Variants in CREB5 observed in about 807,000 individuals in gnomAD.
CREB5 encodes cyclic AMP-responsive element-binding protein 5.
In CREB5, 19 loss-of-function variants were observed where a neutral mutation model predicts 57.1. The observed-to-expected ratio is 0.33, with a 90% confidence interval of 0.23 to 0.49. The LOEUF (loss-of-function observed/expected upper bound fraction) is 0.49. CREB5 is among the 20% of genes least tolerant of loss of function. CREB5 has a pLI of 0.99. For synonymous variants in CREB5, 238 were observed against 238.3 expected, an observed-to-expected ratio of 1.00 and a Z score of 0.01; for missense variants, 579 against 671.6, an observed-to-expected ratio of 0.86 and a Z score of 1.52.
intron 1 of CREB5, among the ~76,000 whole-genome samples, chr7:28,423,384 C>T (rs1011747321): frequency 2.0e-5 from 3 of 152,086 alleles, no homozygotes; most frequent in Non-Finnish European, 4.4e-5. Flanking sequence ...TAAGTCACTG[C>T]AATTTAGTGT....
intron 6 of CREB5, among the ~76,000 whole-genome samples, chr7:28,722,907 C>A (rs918789891): frequency 3.9e-5 from 6 of 152,170 alleles, no homozygotes; most frequent in African/African-American, 1.2e-4. Context: ...CATAATTATA[C>A]CCCTGCTCCG....
chr7:28,786,271 G>T (rs958224713), intron 7 of CREB5, among the ~76,000 whole-genome samples: 1 of 152,154 alleles, frequency 6.6e-6, no homozygotes, highest in African/African-American at 2.4e-5. Context: ...TTTAGAGATG[G>T]AGTCTCGCTC....
intron 4 of CREB5, among the ~76,000 whole-genome samples, chr7:28,533,695 T>C (rs1187150853): frequency 2.6e-5 from 4 of 152,242 alleles, no homozygotes; most frequent in African/African-American, 9.6e-5. Context: ...AGTCCTGTAT[T>C]GGGCAGAGGC....
chr7:28,565,673 A>T (rs531940193), intron 4 of CREB5, among the ~76,000 whole-genome samples: 1 of 152,210 alleles, frequency 6.6e-6, no homozygotes, highest in Non-Finnish European at 1.5e-5. Flanking sequence ...TCATGCCTGT[A>T]GTCCCAGCAC....
chr7:28,725,538 A>G (rs995466580), intron 7 of CREB5, among the ~76,000 whole-genome samples: 6 of 151,838 alleles, frequency 4.0e-5, no homozygotes, highest in African/African-American at 1.5e-4. Flanking sequence ...ATGGGCAAAT[A>G]TTTTTTCAAC....
At chr7:28,405,482 G>A (rs1787558886) in intron 1 of CREB5, among the ~76,000 whole-genome samples, 1 of 152,166 alleles carries the variant, frequency 6.6e-6, no homozygotes, top group Non-Finnish European at 1.5e-5. Context: ...CGCAGTCACT[G>A]CTCATCGCAG....
At chr7:28,781,215 T>A (rs1185007128) in intron 7 of CREB5, among the ~76,000 whole-genome samples, 1 of 152,202 alleles carries the variant, frequency 6.6e-6, no homozygotes, top group East Asian at 1.9e-4. Flanking sequence ...GCCCTTCGAT[T>A]TTCCTGCATT....
At chr7:28,330,551 T>A (rs1237758831) in intron 1 of CREB5, among the ~76,000 whole-genome samples, 1 of 151,986 alleles carries the variant, frequency 6.6e-6, no homozygotes, top group Non-Finnish European at 1.5e-5. Context: ...ATCTAAGTTT[T>A]GCATTCTTTG....
chr7:28,744,658 C>A (rs1331330294), intron 7 of CREB5, among the ~76,000 whole-genome samples: 1 of 152,082 alleles, frequency 6.6e-6, no homozygotes, highest in Non-Finnish European at 1.5e-5. Flanking sequence ...CCCTTTATTA[C>A]CTCTTTAAAT....
At chr7:28,585,620 T>C (rs528032661) in intron 5 of CREB5, among the ~76,000 whole-genome samples, 28 of 152,340 alleles carry the variant, frequency 1.8e-4, no homozygotes, top group African/African-American at 6.7e-4. Context: ...TCCTCTGCCT[T>C]ATTCCCTGGC....
chr7:28,569,076 A>G (rs1397467993), intron 4 of CREB5, among the ~76,000 whole-genome samples: 1 of 152,046 alleles, frequency 6.6e-6, no homozygotes, highest in African/African-American at 2.4e-5. Context: ...GAAGAGCTGT[A>G]TCTTGCCACT....
intron 4 of CREB5, among the ~76,000 whole-genome samples, chr7:28,568,859 T>G (rs983440743): frequency 6.6e-6 from 1 of 152,236 alleles, no homozygotes; most frequent in Non-Finnish European, 1.5e-5. Flanking sequence ...TAACACGTAG[T>G]GCAGGAAATC....
intron 4 of CREB5, among the ~76,000 whole-genome samples, chr7:28,537,925 C>T (rs1794031091): frequency 6.6e-6 from 1 of 152,178 alleles, no homozygotes; most frequent in Non-Finnish European, 1.5e-5. Flanking sequence ...ACTAGTAATT[C>T]TCTGTAATCG....
chr7:28,701,735 AT>A (rs1374591548), intron 5 of CREB5, among the ~76,000 whole-genome samples: 1 of 152,164 alleles, frequency 6.6e-6, no homozygotes, highest in Non-Finnish European at 1.5e-5. Context: ...TTGGAGCATA[AT>A]TTTTTTGTAA....
chr7:28,438,153 G>C (rs994182110), intron 1 of CREB5, among the ~76,000 whole-genome samples: 2 of 152,134 alleles, frequency 1.3e-5, no homozygotes, highest in African/African-American at 4.8e-5. Context: ...TGATTGTTAT[G>C]TAACAGACTT....
At chr7:28,804,095 C>A in intron 7 of CREB5, 104 bp from the exon 8 acceptor site, 1 of 1,033,674 alleles carries the variant, frequency 9.7e-7, no homozygotes, top group Admixed American at 2.3e-5. Context: ...ACAATAGCAT[C>A]GTAAAATATA....
At chr7:28,431,757 A>G (rs1222116261) in intron 1 of CREB5, among the ~76,000 whole-genome samples, 2 of 152,138 alleles carry the variant, frequency 1.3e-5, no homozygotes, top group Non-Finnish European at 2.9e-5. Flanking sequence ...AATTTTAGGT[A>G]CAGAGGCGTT....
At chr7:28,382,005 G>C (rs962493832) in intron 1 of CREB5, among the ~76,000 whole-genome samples, 2 of 152,230 alleles carry the variant, frequency 1.3e-5, no homozygotes, top group African/African-American at 4.8e-5. Context: ...GTATGGCTCA[G>C]TCCAAGTCTG....
At chr7:28,458,090 G>GA (rs1469716023) in intron 1 of CREB5, among the ~76,000 whole-genome samples, 1 of 152,146 alleles carries the variant, frequency 6.6e-6, no homozygotes, top group Admixed American at 6.5e-5. Context: ...CAGAAACGGG[G>GA]GGCCAAGACA....
Sources: allele counts gnomAD v4.1 joint callset (sites outside exome capture counted in the v4.1 genomes callset), GRCh38; gene constraint gnomAD v4.1.1; transcripts MANE v1.5; gene names NCBI Gene and HGNC (gene_info 2026-07-23, HGNC 2026-07-21).